ATP8B4: variants seen among roughly 807,000 people sequenced by gnomAD.
ATP8B4 encodes the protein ATPase phospholipid transporting 8B4 (putative).
A neutral mutation model predicts 145.6 loss-of-function variants in ATP8B4; 133 were observed. The ratio of observed to expected loss-of-function variants is 0.91; its 90% CI spans 0.79 to 1.05. The LOEUF is 1.05. Ranked by LOEUF, ATP8B4 falls within the 50% of genes least tolerant of loss-of-function variation. The pLI, the probability that ATP8B4 is intolerant of heterozygous loss-of-function variation, is 0.00. For missense variants in ATP8B4, 1,458 were observed against 1,425.2 expected, an observed-to-expected ratio of 1.02 and a Z score of -0.37; for synonymous variants, 507 against 492.9, an observed-to-expected ratio of 1.03 and a Z score of -0.38.
chr15:49,873,400 G>T (rs1249865147), intron 25 of ATP8B4, among the ~76,000 whole-genome samples: 1 of 152,120 alleles, frequency 6.6e-6, no homozygotes, highest in East Asian at 1.9e-4. Context: ...CAGCAACATG[G>T]TTGAATAAAT....
At chr15:49,945,110 C>A (rs2042459216) in intron 14 of ATP8B4, among the ~76,000 whole-genome samples, 1 of 151,902 alleles carries the variant, frequency 6.6e-6, no homozygotes, top group Admixed American at 6.6e-5. Flanking sequence ...CGATCTCAGA[C>A]AATTTAATTT....
chr15:49,981,317 A>G (rs1567135041), intron 10 of ATP8B4, 23 bp from the exon 11 acceptor site: 3 of 1,525,406 alleles, frequency 2.0e-6, no homozygotes, highest in East Asian at 4.5e-5. Flanking sequence ...AAAAAAGTAA[A>G]TAACTTTGAA....
chr15:50,104,253 G>C (rs2056543026), intron 2 of ATP8B4, among the ~76,000 whole-genome samples: 1 of 152,114 alleles, frequency 6.6e-6, no homozygotes, highest in Middle Eastern at 3.2e-3. Context: ...AAACTAAAAA[G>C]CTTCTGCACA....
At chr15:50,060,087 C>T (rs529270345) in intron 3 of ATP8B4, among the ~76,000 whole-genome samples, 9 of 152,086 alleles carry the variant, frequency 5.9e-5, no homozygotes, top group Non-Finnish European at 2.9e-5. Flanking sequence ...GCACTTGCCT[C>T]GGCCGAGCCA....
At chr15:50,074,319 G>T in intron 2 of ATP8B4, 134 bp from the exon 3 acceptor site, 1 of 760,852 alleles carries the variant, frequency 1.3e-6, no homozygotes, top group South Asian at 1.9e-5. Context: ...TGAAGGTATT[G>T]GCTTTTTCCA....
chr15:49,958,566 C>T (rs946460457), intron 14 of ATP8B4, among the ~76,000 whole-genome samples: 1 of 151,282 alleles, frequency 6.6e-6, no homozygotes, highest in Non-Finnish European at 1.5e-5. Context: ...TAAAAAGAAC[C>T]ACAGATAAAG....
At chr15:50,133,394 T>C (rs556431206) in intron 1 of ATP8B4, among the ~76,000 whole-genome samples, 1 of 151,108 alleles carries the variant, frequency 6.6e-6, no homozygotes, top group African/African-American at 2.4e-5. Context: ...GCCTGTGCAA[T>C]ATGGGGAAAC....
chr15:49,901,685 A>G, intron 20 of ATP8B4: 3 of 305,614 alleles, frequency 9.8e-6, no homozygotes, highest in Non-Finnish European at 1.3e-5. Flanking sequence ...AAATAAATTC[A>G]TCAATTTGAG....
chr15:50,046,317 C>T (rs1482108211), intron 4 of ATP8B4, among the ~76,000 whole-genome samples: 2 of 152,184 alleles, frequency 1.3e-5, no homozygotes, highest in African/African-American at 2.4e-5. Flanking sequence ...CACTCTCTCT[C>T]TCTCTGACTT....
chr15:49,948,945 T>G (rs2042821779), intron 14 of ATP8B4, among the ~76,000 whole-genome samples: 1 of 152,176 alleles, frequency 6.6e-6, no homozygotes. Flanking sequence ...TATTGCTTGT[T>G]TTTGTCAGGT....
At chr15:50,075,867 A>G (rs911067939) in intron 2 of ATP8B4, among the ~76,000 whole-genome samples, 2 of 152,208 alleles carry the variant, frequency 1.3e-5, no homozygotes, top group African/African-American at 4.8e-5. Flanking sequence ...ACTTATTTAT[A>G]TAACATCACC....
chr15:49,911,191 T>C (rs566842980), intron 20 of ATP8B4, among the ~76,000 whole-genome samples: 3 of 152,194 alleles, frequency 2.0e-5, no homozygotes, highest in South Asian at 2.1e-4. Context: ...AAATACAGAA[T>C]GGCGGAATGG....
chr15:50,030,320 T>C (rs764505154), intron 6 of ATP8B4, among the ~76,000 whole-genome samples: 7 of 152,148 alleles, frequency 4.6e-5, no homozygotes, highest in Non-Finnish European at 1.0e-4. Context: ...ATCTTTAACT[T>C]CCATTATCAT....
At chr15:49,911,727 G>A (rs1404974870) in intron 20 of ATP8B4, among the ~76,000 whole-genome samples, 2 of 152,080 alleles carry the variant, frequency 1.3e-5, no homozygotes. Context: ...AACACTTGCA[G>A]AATACACATT....
intron 1 of ATP8B4, among the ~76,000 whole-genome samples, chr15:50,111,176 T>C (rs556845403): frequency 3.9e-5 from 6 of 152,176 alleles, no homozygotes; most frequent in Non-Finnish European, 8.8e-5. Flanking sequence ...ACTCAACACT[T>C]TAAGCAAAGA....
chr15:49,872,647 C>T (rs1220633576), intron 25 of ATP8B4, among the ~76,000 whole-genome samples: 3 of 152,080 alleles, frequency 2.0e-5, no homozygotes, highest in South Asian at 2.1e-4. Flanking sequence ...TCAGAAAACC[C>T]AAACTGAAAA....
chr15:49,925,750 A>G (rs560493869), intron 16 of ATP8B4, among the ~76,000 whole-genome samples: 1 of 152,274 alleles, frequency 6.6e-6, no homozygotes, highest in East Asian at 1.9e-4. Flanking sequence ...TTTTGTGGAA[A>G]TCCAATTTCA....
At chr15:49,980,202 G>A (rs1038838861) in intron 11 of ATP8B4, among the ~76,000 whole-genome samples, 8 of 152,286 alleles carry the variant, frequency 5.3e-5, no homozygotes, top group African/African-American at 1.9e-4. Flanking sequence ...AGGTGATACT[G>A]AAAGTAAAAC....
chr15:50,009,353 C>G (rs1047191579), intron 7 of ATP8B4: 2 of 154,682 alleles, frequency 1.3e-5, no homozygotes, highest in African/African-American at 4.8e-5. Context: ...GTTGATGGAA[C>G]ATGGCACCAA....
Sources: gnomAD v4.1 joint callset for allele counts (sites outside exome capture counted in the v4.1 genomes callset) on GRCh38, gnomAD v4.1.1 for gene constraint, MANE v1.5 for transcripts, NCBI Gene and HGNC (gene_info 2026-07-23, HGNC 2026-07-21) for gene names.